TMEM63C: variants seen among roughly 807,000 people sequenced by gnomAD.
The protein encoded by TMEM63C is transmembrane protein 63C.
In TMEM63C, 32 loss-of-function variants were observed where a neutral mutation model predicts 99.2. The observed-to-expected ratio is 0.32, with a 90% CI of 0.24 to 0.43. TMEM63C has a LOEUF of 0.43. Ranked by LOEUF, TMEM63C falls within the 20% of genes least tolerant of loss-of-function variation. TMEM63C has a pLI of 1.00. For missense variants in TMEM63C, 826 were observed against 1,053.0 expected (o/e 0.78, Z 2.98); for synonymous variants, 376 against 397.9 (o/e 0.94, Z 0.66).
chr14:77,204,357 C>T (rs1401662586), intron 1 of TMEM63C, among the ~76,000 whole-genome samples: 3 of 152,192 alleles, frequency 2.0e-5, no homozygotes, highest in Non-Finnish European at 4.4e-5. Flanking sequence ...GCTGCTCAGC[C>T]CCCTGAGACT....
chr14:77,241,277 A>G (rs1404288905), intron 13 of TMEM63C, among the ~76,000 whole-genome samples: 1 of 152,108 alleles, frequency 6.6e-6, no homozygotes, highest in Admixed American at 6.5e-5. Context: ...CCTCCTCACC[A>G]TAAGAGAGCG....
chr14:77,254,213 T>C (rs975652972), intron 23 of TMEM63C, among the ~76,000 whole-genome samples: 1 of 152,154 alleles, frequency 6.6e-6, no homozygotes, highest in Non-Finnish European at 1.5e-5. Flanking sequence ...CTTGGGGGAC[T>C]CAAGACAGTT....
chr14:77,245,630 A>G (rs147296279), intron 16 of TMEM63C, among the ~76,000 whole-genome samples: 2 of 152,338 alleles, frequency 1.3e-5, no homozygotes, highest in African/African-American at 4.8e-5. Context: ...AGCAAGTCAC[A>G]TGTTACGTGG....
chr14:77,243,733 A>G (rs905092746), intron 15 of TMEM63C, among the ~76,000 whole-genome samples: 1 of 152,124 alleles, frequency 6.6e-6, no homozygotes, highest in African/African-American at 2.4e-5. Context: ...TATTCTCGCC[A>G]TCCTCATTTC....
At chr14:77,245,310 C>T (rs1006458406) in intron 16 of TMEM63C, among the ~76,000 whole-genome samples, 13 of 152,180 alleles carry the variant, frequency 8.5e-5, no homozygotes, top group African/African-American at 3.1e-4. Context: ...CTGATGCTCC[C>T]AGATGCAGCA....
At chr14:77,239,527 T>TG in intron 11 of TMEM63C, 35 bp downstream of exon 11, 1 of 1,611,536 alleles carries the variant, frequency 6.2e-7, no homozygotes, top group Non-Finnish European at 8.5e-7. Flanking sequence ...GGGCCCGGGG[T>TG]GGGGGTAAAA....
At chr14:77,251,710 A>C (rs540065791) in intron 21 of TMEM63C, 79 bp from the exon 22 acceptor site, 2 of 1,157,654 alleles carry the variant, frequency 1.7e-6, no homozygotes, top group Non-Finnish European at 2.6e-6. Flanking sequence ...TGGTGCTGTG[A>C]CGGTCCCTGG....
intron 16 of TMEM63C, among the ~76,000 whole-genome samples, chr14:77,245,475 T>G (rs978828254): frequency 1.3e-5 from 2 of 152,222 alleles, no homozygotes; most frequent in Admixed American, 6.5e-5. Flanking sequence ...GAAAGAGGTT[T>G]CATTGGACTC....
chr14:77,234,457 A>G (rs1400427565), intron 8 of TMEM63C, among the ~76,000 whole-genome samples: 2 of 152,100 alleles, frequency 1.3e-5, no homozygotes, highest in African/African-American at 4.8e-5. Flanking sequence ...ACATCTTCCC[A>G]ACAAAAAGTG....
intron 5 of TMEM63C, among the ~76,000 whole-genome samples, chr14:77,221,395 T>C (rs1184248540): frequency 3.7e-5 from 2 of 53,338 alleles, no homozygotes. Flanking sequence ...CACTCACGCC[T>C]CCCATTCATG....
intron 22 of TMEM63C, 149 bp downstream of exon 22, chr14:77,252,047 C>T (rs900966453): frequency 8.1e-5 from 54 of 666,690 alleles, no homozygotes; most frequent in Non-Finnish European, 1.2e-4. Flanking sequence ...GCCCAGTGTG[C>T]ATGCGTGCAT....
rs1889107470 is a variant in TMEM63C, at chr14:77,238,863, G to A, written c.725+96G>A. The A allele has an allele frequency of 4.1e-6, 4 of 980,034 alleles. No individual in the cohort carries two copies. In the Middle Eastern group the frequency reaches 6.4e-4, roughly 156 times the overall value. The allele number at this position is 980,034 out of a possible 1,614,324, so 60.7% of individuals were successfully genotyped here. A position where few individuals can be genotyped will look rare whatever the true frequency, so the allele number is the denominator to read the frequency against. On this transcript the variant is annotated intron_variant, in intron 10 of 23. Transcript: ENST00000298351. ...GTAGTGAGTTGGTGCAGGATGGTGG[G>A]ACTGGGACACCCCGGGGTGGCTCTC...
chr14:77,253,752 C>T (rs546004854), intron 23 of TMEM63C, among the ~76,000 whole-genome samples: 20 of 152,350 alleles, frequency 1.3e-4, no homozygotes, highest in African/African-American at 4.6e-4. Flanking sequence ...GGCAGAGCGA[C>T]ACAGACAGAG....
intron 3 of TMEM63C, 135 bp from the exon 4 acceptor site, chr14:77,219,363 C>T: frequency 2.4e-6 from 2 of 835,428 alleles, no homozygotes; most frequent in Admixed American, 4.3e-5. Flanking sequence ...CCTACTCCAA[C>T]AGAGCTCACC....
intron 2 of TMEM63C, among the ~76,000 whole-genome samples, chr14:77,218,240 A>AGGGGGGG (rs374116600): frequency 1.4e-5 from 2 of 138,388 alleles, no homozygotes; most frequent in Admixed American, 7.4e-5. Context: ...TAAAAAAAAA[A>AGGGGGGG]GAGGGGGGTG....
In TMEM63C at chr14:77,258,932, ATG is replaced by A. The variant is rs1166437100; in HGVS notation, c.*2209_*2210del. ...CTGGCTCTGAGAGAAGGTGGTGAGC[ATG>A]TGGAGAAGGTTCCATAGTCCACTCT... On this transcript the variant is annotated 3_prime_UTR_variant, in exon 24 of 24. Coordinates refer to ENST00000298351, the MANE Select transcript of TMEM63C (RefSeq NM_020431.4). 6.6e-6 allele frequency: 1 copy of A among 152,364 alleles called. No individual in the cohort carries two copies. Among genetic ancestry groups the A allele is most frequent in the Non-Finnish European group, 1.5e-5 (1 of 68,146 alleles). The allele number at this position is 152,364 out of a possible 1,614,324, so 9.4% of individuals were successfully genotyped here.
intron 9 of TMEM63C, among the ~76,000 whole-genome samples, chr14:77,237,378 A>G (rs1305799045): frequency 6.6e-6 from 1 of 152,114 alleles, no homozygotes; most frequent in African/African-American, 2.4e-5. Flanking sequence ...CCATCCAAGC[A>G]GACCCTGAGA....
At chr14:77,214,134 G>T (rs1273279911) in intron 2 of TMEM63C, among the ~76,000 whole-genome samples, 12 of 151,920 alleles carry the variant, frequency 7.9e-5, no homozygotes, top group Non-Finnish European at 1.5e-5. Context: ...GTGCCCCCTG[G>T]ATCTCCATTC....
chr14:77,205,233 C>T (rs977036694), intron 1 of TMEM63C, among the ~76,000 whole-genome samples: 2 of 152,208 alleles, frequency 1.3e-5, no homozygotes, highest in African/African-American at 4.8e-5. Flanking sequence ...CAGGGCCCCA[C>T]ACCCAGGCCT....
Sources: gnomAD v4.1 joint callset for allele counts (sites outside exome capture counted in the v4.1 genomes callset) on GRCh38, gnomAD v4.1.1 for gene constraint, MANE v1.5 for transcripts, NCBI Gene and HGNC (gene_info 2026-07-23, HGNC 2026-07-21) for gene names.